Variants in SPAG16 observed in about 807,000 individuals in gnomAD.
SPAG16 encodes the protein sperm associated antigen 16.
Under a neutral mutation model 80.4 loss-of-function variants are expected in SPAG16, and 86 were observed. That is an observed-to-expected ratio of 1.07 (90% CI 0.90 to 1.28). SPAG16 has a LOEUF of 1.28. Ranked by LOEUF, SPAG16 falls within the 50% of genes most tolerant of loss-of-function variation. The pLI is 0.00. For missense variants in SPAG16, 870 were observed against 765.3 expected (o/e 1.14, Z -1.61); for synonymous variants, 294 against 265.9 (o/e 1.11, Z -1.03).
chr2:213,630,370 C>A (rs758652259), intron 10 of SPAG16, among the ~76,000 whole-genome samples: 3 of 145,452 alleles, frequency 2.1e-5, no homozygotes, highest in South Asian at 2.2e-4. Flanking sequence ...GGTGACAGAG[C>A]AAGACTCCAT....
chr2:214,269,216 CT>C (rs1292065289), intron 15 of SPAG16, among the ~76,000 whole-genome samples: 1 of 151,900 alleles, frequency 6.6e-6, no homozygotes, highest in Non-Finnish European at 1.5e-5. Context: ...CTAAGGTTGT[CT>C]TTCTGAAAAG....
intron 9 of SPAG16, among the ~76,000 whole-genome samples, chr2:213,480,324 A>G (rs1362748527): frequency 6.6e-6 from 1 of 152,210 alleles, no homozygotes; most frequent in Non-Finnish European, 1.5e-5. Context: ...ATTGGTTGGG[A>G]CAGTACTATT....
chr2:213,709,543 T>G (rs2065895120), intron 10 of SPAG16, among the ~76,000 whole-genome samples: 1 of 152,208 alleles, frequency 6.6e-6, no homozygotes, highest in South Asian at 2.1e-4. Context: ...GGGGTTCATT[T>G]TACTTTTGTT....
intron 10 of SPAG16, among the ~76,000 whole-genome samples, chr2:213,839,798 G>A (rs1461868176): frequency 6.6e-6 from 1 of 151,976 alleles, no homozygotes; most frequent in Admixed American, 6.6e-5. Flanking sequence ...ATCCTATAGT[G>A]GGGAATTACT....
intron 15 of SPAG16, among the ~76,000 whole-genome samples, chr2:214,250,870 C>G (rs563915635): frequency 2.3e-4 from 35 of 149,430 alleles, no homozygotes; most frequent in Admixed American, 6.0e-4. Flanking sequence ...AATGAATTGT[C>G]TAATTTTCTC....
intron 5 of SPAG16, chr2:213,317,661 A>T: frequency 9.9e-7 from 1 of 1,014,232 alleles, no homozygotes; most frequent in Non-Finnish European, 1.2e-6. Context: ...TTTCTCCTGT[A>T]AAGATAGGCT....
chr2:213,421,824 G>C (rs554647391), intron 9 of SPAG16, among the ~76,000 whole-genome samples: 1 of 152,186 alleles, frequency 6.6e-6, no homozygotes, highest in African/African-American at 2.4e-5. Context: ...TCTGCTGAGA[G>C]CTGGACACTC....
At chr2:213,331,427 C>T (rs2064102575) in intron 5 of SPAG16, among the ~76,000 whole-genome samples, 1 of 152,184 alleles carries the variant, frequency 6.6e-6, no homozygotes, top group African/African-American at 2.4e-5. Flanking sequence ...AACACTGGAG[C>T]ACCCAGATAT....
intron 10 of SPAG16, among the ~76,000 whole-genome samples, chr2:213,813,228 G>A (rs763025951): frequency 6.6e-6 from 1 of 152,168 alleles, no homozygotes; most frequent in Non-Finnish European, 1.5e-5. Flanking sequence ...GAGAGGCAGG[G>A]CACACCTTTA....
chr2:213,584,249 T>C (rs2060390253), intron 10 of SPAG16, among the ~76,000 whole-genome samples: 3 of 151,720 alleles, frequency 2.0e-5, no homozygotes, highest in Admixed American at 2.0e-4. Context: ...CTAAATGTAC[T>C]CTTATCGTTT....
intron 10 of SPAG16, among the ~76,000 whole-genome samples, chr2:213,737,612 C>T (rs978177379): frequency 1.6e-4 from 24 of 151,834 alleles, no homozygotes; most frequent in Non-Finnish European, 1.9e-4. Flanking sequence ...CTCAGCCTCC[C>T]GAGTAGCTGG....
chr2:213,901,878 A>G (rs1196347892), intron 11 of SPAG16, among the ~76,000 whole-genome samples: 1 of 152,136 alleles, frequency 6.6e-6, no homozygotes, highest in Non-Finnish European at 1.5e-5. Context: ...CATTCTGAAT[A>G]GAGTGGCTTT....
rs373659684 is a variant in SPAG16 at position 213,449,516 on chromosome 2, T to C, written c.943-40447T>C. On this transcript the variant is annotated intron_variant, in intron 9 of 15. Coordinates refer to ENST00000331683, the MANE Select transcript of SPAG16 (RefSeq NM_024532.5). ...GGCAGGCATCATGGTCCTACCGATA[T>C]GTGATGTCACCCCTCGCGGCCCAGA... Among the ~76,000 whole-genome samples the C allele has an allele frequency of 1.5e-4, 23 of 152,368 alleles. 1 individual carries two copies. Among genetic ancestry groups the C allele is most frequent in the African/African-American group, 5.3e-4 (22 of 41,582 alleles).
At chr2:213,500,671 G>C (rs1167765193) in intron 10 of SPAG16, among the ~76,000 whole-genome samples, 3 of 152,310 alleles carry the variant, frequency 2.0e-5, no homozygotes, top group East Asian at 3.9e-4. Context: ...AGAAGAAAAG[G>C]ACAGAGAACG....
At chr2:214,016,752 A>G (rs1288787317) in intron 13 of SPAG16, among the ~76,000 whole-genome samples, 2 of 152,188 alleles carry the variant, frequency 1.3e-5, no homozygotes, top group Admixed American at 6.5e-5. Context: ...GTGTAAAACA[A>G]GGCCTCCATA....
chr2:213,861,069 T>C (rs747840154), intron 10 of SPAG16, among the ~76,000 whole-genome samples: 1 of 152,178 alleles, frequency 6.6e-6, no homozygotes, highest in Non-Finnish European at 1.5e-5. Context: ...ACCAACATTA[T>C]GATGAATTGC....
chr2:214,368,541 T>C (rs1699623324), intron 15 of SPAG16, among the ~76,000 whole-genome samples: 1 of 152,120 alleles, frequency 6.6e-6, no homozygotes, highest in South Asian at 2.1e-4. Context: ...ATAAAGTAGT[T>C]CACCCTGTTT....
intron 15 of SPAG16, among the ~76,000 whole-genome samples, chr2:214,153,166 C>T (rs1290298811): frequency 1.3e-5 from 2 of 151,986 alleles, no homozygotes; most frequent in Admixed American, 6.6e-5. Context: ...ACCGCTAGAC[C>T]ACGGTCCGCC....
chr2:214,332,872 C>A (rs146716523), intron 15 of SPAG16, among the ~76,000 whole-genome samples: 1 of 152,110 alleles, frequency 6.6e-6, no homozygotes, highest in African/African-American at 2.4e-5. Flanking sequence ...TCACTAGATA[C>A]GTCCATGGCC....
Sources: gnomAD v4.1 joint callset for allele counts (sites outside exome capture counted in the v4.1 genomes callset) on GRCh38, gnomAD v4.1.1 for gene constraint, MANE v1.5 for transcripts, NCBI Gene and HGNC (gene_info 2026-07-23, HGNC 2026-07-21) for gene names.